The following VPS13B variants were observed in gnomAD, a reference collection of about 807,000 sequenced individuals.
VPS13B encodes the protein vacuolar protein sorting 13 homolog B.
In VPS13B, 285 loss-of-function variants were observed where a neutral mutation model predicts 426.4. The observed-to-expected ratio is 0.67, with a 90% CI of 0.61 to 0.74. The LOEUF (loss-of-function observed/expected upper bound fraction) is 0.74. Ranked by LOEUF, VPS13B falls within the 30% of genes least tolerant of loss-of-function variation. The pLI, the probability that VPS13B is intolerant of heterozygous loss-of-function variation, is 0.00. For missense variants in VPS13B, 4,537 were observed against 4,782.6 expected (o/e 0.95, Z 1.51); for synonymous variants, 1,676 against 1,676.4 (o/e 1.00, Z 0.01).
intron 33 of VPS13B, among the ~76,000 whole-genome samples, chr8:99,587,084 G>T (rs527400354): frequency 6.6e-6 from 1 of 152,024 alleles, no homozygotes; most frequent in Non-Finnish European, 1.5e-5. Context: ...TTGGTTTTCT[G>T]TCCTTCCAAT....
intron 40 of VPS13B, among the ~76,000 whole-genome samples, chr8:99,771,354 C>T (rs1811476795): frequency 6.6e-6 from 1 of 152,202 alleles, no homozygotes; most frequent in Non-Finnish European, 1.5e-5. Context: ...TGACAGAAGG[C>T]ATCTTGGAAA....
intron 43 of VPS13B, among the ~76,000 whole-genome samples, chr8:99,806,056 C>T (rs1321544883): frequency 6.6e-6 from 1 of 152,174 alleles, no homozygotes; most frequent in Non-Finnish European, 1.5e-5. Context: ...CCCACGTTGC[C>T]CCTCATGCAA....
intron 17 of VPS13B, among the ~76,000 whole-genome samples, chr8:99,214,306 A>T (rs768128747): frequency 6.6e-6 from 1 of 152,210 alleles, no homozygotes; most frequent in Non-Finnish European, 1.5e-5. Context: ...CAAATTTGAA[A>T]ACATTTATCT....
At chr8:99,287,051 TG>T in intron 19 of VPS13B, among the ~76,000 whole-genome samples, 1 of 152,130 alleles carries the variant, frequency 6.6e-6, no homozygotes, top group Non-Finnish European at 1.5e-5. Context: ...ATTTTGGTTT[TG>T]TTTTAGGCTT....
At chr8:99,649,625 TACACACACACAC>T (rs57697283) in intron 34 of VPS13B, among the ~76,000 whole-genome samples, 1 of 146,326 alleles carries the variant, frequency 6.8e-6, no homozygotes, top group African/African-American at 2.5e-5. Flanking sequence ...CCCCTCTACA[TACACACACACAC>T]ACACACACAC....
intron 25 of VPS13B, among the ~76,000 whole-genome samples, chr8:99,490,583 G>A (rs1024147989): frequency 2.6e-5 from 4 of 152,180 alleles, no homozygotes; most frequent in African/African-American, 9.7e-5. Context: ...TTCAGAGCCT[G>A]TTATTGGTCT....
chr8:99,842,521 G>T (rs1371294577), intron 54 of VPS13B, among the ~76,000 whole-genome samples: 2 of 152,044 alleles, frequency 1.3e-5, no homozygotes, highest in Non-Finnish European at 2.9e-5. Flanking sequence ...ATGCTAAGGT[G>T]GGAGGATCAC....
intron 3 of VPS13B, among the ~76,000 whole-genome samples, chr8:99,083,016 G>C (rs1282378271): frequency 6.6e-6 from 1 of 152,186 alleles, no homozygotes; most frequent in Admixed American, 6.5e-5. Context: ...TCAGTAGCTT[G>C]ATGGGAATGG....
At chr8:99,671,524 A>G (rs1355743176) in intron 35 of VPS13B, among the ~76,000 whole-genome samples, 2 of 152,078 alleles carry the variant, frequency 1.3e-5, no homozygotes, top group African/African-American at 4.8e-5. Flanking sequence ...TTTTCAGATA[A>G]TATCCAGAAA....
rs149802206 is a variant in VPS13B, at chr8:99,676,340, A to T, written c.6046+14849A>T. Among the ~76,000 whole-genome samples, 30 of 152,178 alleles carry T rather than the reference A, an allele frequency of 2.0e-4. No individual in the cohort carries two copies. The East Asian group carries it at 4.7e-3, about 24-fold the overall frequency. ...AAGGCCTTGTAGACAGCTGGTAGTG[A>T]TTCAGGCCAGTGATCAAGTCTATTT... is the stretch of plus-strand genomic sequence containing the variant. On this transcript the variant is annotated intron_variant, in intron 35 of 61. Coordinates refer to ENST00000357162, the MANE Select transcript of VPS13B (RefSeq NM_152564.5).
At chr8:99,334,820 T>C (rs945730789) in intron 19 of VPS13B, among the ~76,000 whole-genome samples, 6 of 152,130 alleles carry the variant, frequency 3.9e-5, no homozygotes, top group African/African-American at 1.4e-4. Context: ...TAAAATTCTC[T>C]TTTTTGGTTG....
intron 48 of VPS13B, 92 bp downstream of exon 48, chr8:99,819,674 G>T (rs1232692483): frequency 1.4e-6 from 2 of 1,403,964 alleles, no homozygotes; most frequent in African/African-American, 1.4e-5. Flanking sequence ...AGTGGTGTGT[G>T]CATGTATCTG....
chr8:99,504,919 T>C (rs941746054), intron 27 of VPS13B, among the ~76,000 whole-genome samples: 2 of 152,332 alleles, frequency 1.3e-5, no homozygotes, highest in Admixed American at 6.5e-5. Context: ...AATCTATTAG[T>C]GTAGCCACCT....
intron 30 of VPS13B, among the ~76,000 whole-genome samples, chr8:99,535,820 C>G (rs921424031): frequency 4.6e-5 from 7 of 152,100 alleles, no homozygotes; most frequent in African/African-American, 1.7e-4. Context: ...ACATAACTAA[C>G]TGTTATTATC....
intron 56 of VPS13B, among the ~76,000 whole-genome samples, chr8:99,859,075 C>A (rs1816699562): frequency 6.6e-6 from 1 of 152,144 alleles, no homozygotes; most frequent in Non-Finnish European, 1.5e-5. Flanking sequence ...CATATTAAAG[C>A]CATTTGTGGG....
intron 40 of VPS13B, among the ~76,000 whole-genome samples, chr8:99,775,530 C>T (rs774304714): frequency 1.5e-4 from 23 of 152,184 alleles, no homozygotes; most frequent in Non-Finnish European, 2.5e-4. Flanking sequence ...GCATGCTTCC[C>T]GTGCACAGCA....
At chr8:99,468,167 C>G (rs1819212311) in intron 24 of VPS13B, among the ~76,000 whole-genome samples, 1 of 152,082 alleles carries the variant, frequency 6.6e-6, no homozygotes, top group Admixed American at 6.6e-5. Flanking sequence ...CCACGACAGG[C>G]CTGAGTGTGT....
At chr8:99,444,901 A>G (rs1817838727) in intron 23 of VPS13B, among the ~76,000 whole-genome samples, 1 of 152,052 alleles carries the variant, frequency 6.6e-6, no homozygotes, top group Non-Finnish European at 1.5e-5. Flanking sequence ...GGGCTGCCTC[A>G]GCTTCCAAAA....
At chr8:99,121,079 A>T in intron 7 of VPS13B, 98 bp from the exon 8 acceptor site, 2 of 1,080,018 alleles carry the variant, frequency 1.9e-6, no homozygotes, top group Non-Finnish European at 2.7e-6. Context: ...ACCTTATATT[A>T]GAAGGATATG....
Sources: allele counts gnomAD v4.1 joint callset (sites outside exome capture counted in the v4.1 genomes callset), GRCh38; gene constraint gnomAD v4.1.1; transcripts MANE v1.5; gene names NCBI Gene and HGNC (gene_info 2026-07-23, HGNC 2026-07-21).